Variants in ARSJ observed in about 807,000 individuals in gnomAD.
The protein encoded by ARSJ is arylsulfatase J.
In ARSJ, 26 loss-of-function variants were observed where a neutral mutation model predicts 35.9. The ratio of observed to expected loss-of-function variants is 0.72; its 90% confidence interval spans 0.53 to 1.00. The LOEUF is 1.00. ARSJ is among the 50% of genes least tolerant of loss of function. The probability of loss-of-function intolerance (pLI) is 0.00; values close to 1 mark genes in which losing one functional copy is unlikely to be tolerated. For missense variants in ARSJ, 667 were observed against 723.6 expected (o/e 0.92, Z 0.90); for synonymous variants, 294 against 267.6 (o/e 1.10, Z -0.96).
At chr4:113,963,676 T>A (rs189752456) in intron 1 of ARSJ, among the ~76,000 whole-genome samples, 1 of 152,164 alleles carries the variant, frequency 6.6e-6, no homozygotes, top group East Asian at 1.9e-4. Flanking sequence ...AGGTTCTCAA[T>A]ATTGAATGAA....
chr4:113,974,859 CAT>C (rs1319055033), intron 1 of ARSJ, among the ~76,000 whole-genome samples: 1 of 152,118 alleles, frequency 6.6e-6, no homozygotes, highest in African/African-American at 2.4e-5. Flanking sequence ...TCACAAAAAA[CAT>C]ATACAAGTAT....
chr4:113,924,034 T>C (rs62314613), intron 1 of ARSJ, among the ~76,000 whole-genome samples: 1 of 4,114 alleles, frequency 2.4e-4, no homozygotes, highest in Non-Finnish European at 3.8e-3. Flanking sequence ...TATATATATA[T>C]AAATATATAT....
chr4:113,934,107 G>A (rs373774881), intron 1 of ARSJ, among the ~76,000 whole-genome samples: 32 of 151,772 alleles, frequency 2.1e-4, no homozygotes, highest in East Asian at 1.7e-3. Context: ...AGTAAATAAC[G>A]GATGCTGGCA....
At position 113,978,695 on chromosome 4, in the gene ARSJ, C is replaced by T; in HGVS notation, c.140G>A (p.Gly47Asp). The T allele has an allele frequency of 6.2e-7, 1 of 1,614,206 alleles. No individual in the cohort carries two copies. The highest frequency in any genetic ancestry group is 8.5e-7 in the Non-Finnish European group (1 of 1,180,034). ...TTCTTCCTCCTCTTCTAAGGCCTGG[C>T]CCCAGGACAGGTAACCATAAGTGAG... ...CLLTYGYLSW[G>D]QALEEEEEGA... Residue 47 changes from glycine (G) to aspartate (D), a missense_variant, in exon 1 of 2, where the codon GGC becomes GAC. Gly to Asp is a moderately conservative substitution (Grantham distance 94, BLOSUM62 -1). Transcript: ENST00000315366.
At chr4:113,959,113 G>A (rs1726380802) in intron 1 of ARSJ, among the ~76,000 whole-genome samples, 2 of 152,006 alleles carry the variant, frequency 1.3e-5, no homozygotes, top group Admixed American at 6.6e-5. Flanking sequence ...AGAGCTGTCT[G>A]AAGAGAACAT....
At chr4:113,915,159 T>C (rs867665773) in intron 1 of ARSJ, among the ~76,000 whole-genome samples, 4 of 152,158 alleles carry the variant, frequency 2.6e-5, no homozygotes, top group African/African-American at 9.7e-5. Flanking sequence ...TAGATATCTT[T>C]CCCTAAAATA....
rs75831623 is a variant in ARSJ at position 113,969,630 on chromosome 4, T to G, written c.398+8807A>C. 0.013 allele frequency among the ~76,000 whole-genome samples: 2,053 copies of G among 152,278 alleles called. 116 individuals are homozygous for G. The East Asian group carries it at 0.16, about 12-fold the overall frequency. ...AATAACATTACTATGATTCTATAGA[T>G]GAAAACAATGCATCTCAGAAATATC... On this transcript the variant is annotated intron_variant, in intron 1 of 1. Coordinates refer to ENST00000315366, the MANE Select transcript of ARSJ (RefSeq NM_024590.4).
chr4:113,931,665 A>G (rs1228878253), intron 1 of ARSJ, among the ~76,000 whole-genome samples: 1 of 152,144 alleles, frequency 6.6e-6, no homozygotes, highest in Non-Finnish European at 1.5e-5. Flanking sequence ...CCTTACGTGC[A>G]GGCAGGACCT....
intron 1 of ARSJ, among the ~76,000 whole-genome samples, chr4:113,916,261 A>C (rs1031960784): frequency 6.6e-6 from 1 of 152,124 alleles, no homozygotes; most frequent in Admixed American, 6.6e-5. Context: ...TATTGAGAGA[A>C]CCCACAATAT....
At chr4:113,917,493 G>A (rs1378357225) in intron 1 of ARSJ, among the ~76,000 whole-genome samples, 1 of 152,030 alleles carries the variant, frequency 6.6e-6, no homozygotes, top group African/African-American at 2.4e-5. Context: ...ATTATATTCA[G>A]AAGCCATATT....
chr4:113,903,128 A>C lies in ARSJ; in HGVS notation c.946T>G (p.Phe316Val), dbSNP rs767181822. 11 of 1,614,044 alleles carry C rather than the reference A, an allele frequency of 6.8e-6. No homozygotes were observed. The highest frequency in any genetic ancestry group is 9.3e-6 in the Non-Finnish European group (11 of 1,180,048). The change falls in exon 2 of 2, where the codon TTC (phenylalanine) becomes GTC (valine). Residue 316 changes from phenylalanine (F) to valine (V), a missense_variant. Coordinates refer to ENST00000315366, the MANE Select transcript of ARSJ (RefSeq NM_024590.4). ...TAAATGATAATGCTGTTGTTATAGA[A>C]ACCATAAGTCTTTAGAGCCAATGTC... The part of the protein sequence containing the change: ...NVTLALKTYG[F>V]YNNSIIIYSS...
chr4:113,939,214 AT>A (rs1724973984), intron 1 of ARSJ, among the ~76,000 whole-genome samples: 1 of 149,494 alleles, frequency 6.7e-6, no homozygotes, highest in African/African-American at 2.5e-5. Context: ...TTCCAATTTC[AT>A]CCATGTCCCT....
chr4:113,978,665 G>A lies in ARSJ; in HGVS notation c.170C>T (p.Ala57Val), dbSNP rs377678131. Residue 57 changes from alanine to valine, a missense_variant, in exon 1 of 2, where the codon GCC (alanine) becomes GTC (valine). By Grantham distance (64) the Ala-to-Val change is moderately conservative. Coordinates refer to ENST00000315366, the MANE Select transcript of ARSJ (RefSeq NM_024590.4). ...TTTCTCTCCAGCTTGAGCTAGTAAG[G>A]CCCCTTCTTCCTCCTCTTCTAAGGC... ...GQALEEEEEGALLAQAGEKLE... is the reference protein window; with the variant it reads ...GQALEEEEEGVLLAQAGEKLE... 109 of 1,614,092 alleles carry A rather than the reference G, an allele frequency of 6.8e-5. No individual in the cohort carries two copies. Among genetic ancestry groups the A allele is most frequent in the Non-Finnish European group, 9.2e-5 (109 of 1,180,046 alleles).
intron 1 of ARSJ, among the ~76,000 whole-genome samples, chr4:113,915,723 C>G (rs1723251735): frequency 3.3e-5 from 5 of 152,170 alleles, no homozygotes; most frequent in Non-Finnish European, 4.4e-5. Context: ...CCCACTCTAC[C>G]TCTGGATCAG....
chr4:113,978,686 A>T lies in ARSJ; in HGVS notation c.149T>A (p.Leu50Ter). The T allele has an allele frequency of 6.2e-7, 1 of 1,614,208 alleles. No individual in the cohort carries two copies. Among genetic ancestry groups the T allele is most frequent in the East Asian group, 2.2e-5 (1 of 44,886 alleles). Residue 50 changes from leucine (L) to a stop codon, truncating the protein, a stop_gained, in exon 1 of 2, where the codon TTA becomes TAA. Coordinates refer to ENST00000315366, the MANE Select transcript of ARSJ (RefSeq NM_024590.4). LOFTEE classifies it high-confidence loss of function. ...TAAGGCCCCTTCTTCCTCCTCTTCT[A>T]AGGCCTGGCCCCAGGACAGGTAACC... Reference protein sequence around the residue: ...TYGYLSWGQALEEEEEGALLA... With the variant: ...TYGYLSWGQA
chr4:113,905,660 ATTTTTTTTTTTTT>A (rs766150372), intron 1 of ARSJ, among the ~76,000 whole-genome samples: 5 of 81,850 alleles, frequency 6.1e-5, no homozygotes, highest in South Asian at 4.7e-4. Flanking sequence ...GTTCTTGATA[ATTTTTTTTTTTTT>A]TTTTTTTTTT....
In ARSJ at chr4:113,903,764, T is replaced by A. The variant is rs2099667875; in HGVS notation, c.399-89A>T. On this transcript the variant is annotated intron_variant, in intron 1 of 1. Coordinates refer to ENST00000315366, the MANE Select transcript of ARSJ (RefSeq NM_024590.4). ...TGATCCCTAAATTAAAAAATGTTTC[T>A]ATGGGCATCATTGTTAAATTATAAT... The A allele has an allele frequency of 5.5e-6, 8 of 1,452,236 alleles. No homozygotes were observed. The Admixed American group carries it at 1.7e-4, about 31-fold the overall frequency. The allele number at this position is 1,452,236 out of a possible 1,614,324, so 90.0% of individuals were successfully genotyped here. A position where few individuals can be genotyped will look rare whatever the true frequency, so the allele number is the denominator to read the frequency against.
chr4:113,943,507 CTAGTATAGA>C (rs1323166845), intron 1 of ARSJ: 1 of 152,000 alleles, frequency 6.6e-6, no homozygotes. Context: ...GTGCCAGGTA[CTAGTATAGA>C]TGAGACAGGG....
At chr4:113,972,563 G>A (rs923055330) in intron 1 of ARSJ, among the ~76,000 whole-genome samples, 3 of 152,110 alleles carry the variant, frequency 2.0e-5, no homozygotes, top group African/African-American at 4.8e-5. Context: ...AGGCTAGAGT[G>A]CGGTGGCCCA....
Sources: gnomAD v4.1 joint callset for allele counts (sites outside exome capture counted in the v4.1 genomes callset) on GRCh38, gnomAD v4.1.1 for gene constraint, MANE v1.5 for transcripts, NCBI Gene and HGNC (gene_info 2026-07-23, HGNC 2026-07-21) for gene names.